Variants in EDA observed in about 807,000 individuals in gnomAD.
EDA encodes ectodysplasin A, also known as ectodysplasin-A.
Under a neutral mutation model 23.6 loss-of-function variants are expected in EDA, and 2 were observed. The ratio of observed to expected loss-of-function variants is 0.08; its 90% CI spans 0.03 to 0.27. The LOEUF (loss-of-function observed/expected upper bound fraction) is 0.27. Ranked by LOEUF, EDA falls within the 10% of genes least tolerant of loss-of-function variation. The pLI is 1.00. For synonymous variants in EDA, 131 were observed against 132.0 expected (o/e 0.99, Z 0.05); for missense variants, 229 against 324.2 (o/e 0.71, Z 2.26).
chrX:69,744,898 C>T (rs1252067339), intron 1 of EDA, among the ~76,000 whole-genome samples: 2 of 111,757 alleles, frequency 1.8e-5, no homozygotes, highest in African/African-American at 6.5e-5. Context: ...CAGTCGCTCC[C>T]CAGGTCTGCC....
At chrX:69,941,636 C>T (rs2018758991) in intron 1 of EDA, among the ~76,000 whole-genome samples, 1 of 110,847 alleles carries the variant, frequency 9.0e-6, no homozygotes, top group Non-Finnish European at 1.9e-5. Flanking sequence ...AATATCTTTT[C>T]CCATCCCTTT....
chrX:69,869,847 G>A (rs1321580680), intron 1 of EDA, among the ~76,000 whole-genome samples: 1 of 112,059 alleles, frequency 8.9e-6, no homozygotes, highest in Non-Finnish European at 1.9e-5. Context: ...CATTGTATTT[G>A]AATTTTGTAG....
intron 1 of EDA, among the ~76,000 whole-genome samples, chrX:69,816,426 A>G (rs904346464): frequency 9.0e-6 from 1 of 111,454 alleles, no homozygotes; most frequent in East Asian, 2.8e-4. Flanking sequence ...CTATAACCCA[A>G]TGCAAAGAAG....
intron 2 of EDA, among the ~76,000 whole-genome samples, chrX:70,009,610 G>A (rs1012445155): frequency 1.4e-4 from 15 of 111,052 alleles, no homozygotes; most frequent in South Asian, 7.5e-4. Flanking sequence ...GTTTTGATGC[G>A]GAGTCTCGCT....
At chrX:69,756,994 G>A (rs1373539309) in intron 1 of EDA, 3 of 111,488 alleles carry the variant, frequency 2.7e-5, no homozygotes, top group South Asian at 3.8e-4. Flanking sequence ...AGGTGAGCTC[G>A]CTTGTTTTCT....
At chrX:69,626,464 A>G (rs1453616259) in intron 1 of EDA, among the ~76,000 whole-genome samples, 1 of 112,297 alleles carries the variant, frequency 8.9e-6, no homozygotes, top group Non-Finnish European at 1.9e-5. Context: ...TTTTTCAGCC[A>G]TTAAAAGGAA....
At chrX:69,708,319 T>G (rs1250287554) in intron 1 of EDA, among the ~76,000 whole-genome samples, 3 of 111,805 alleles carry the variant, frequency 2.7e-5, no homozygotes, top group Admixed American at 9.5e-5. Flanking sequence ...TGTAATCAGT[T>G]AGCTACCTGC....
intron 1 of EDA, among the ~76,000 whole-genome samples, chrX:69,862,236 G>A (rs1366503534): frequency 9.0e-6 from 1 of 111,218 alleles, no homozygotes; most frequent in Non-Finnish European, 1.9e-5. Context: ...GTACCATTAT[G>A]ACATGTTACC....
chrX:69,690,117 CAG>C (rs1267484601), intron 1 of EDA, among the ~76,000 whole-genome samples: 3 of 109,434 alleles, frequency 2.7e-5, no homozygotes, highest in African/African-American at 1.0e-4. Flanking sequence ...TATCTGCAAA[CAG>C]AGAGAGTTTT....
chrX:69,751,073 G>C (rs2013830951), intron 1 of EDA, among the ~76,000 whole-genome samples: 1 of 109,204 alleles, frequency 9.2e-6, no homozygotes, highest in African/African-American at 3.3e-5. Context: ...CATTGCTTTT[G>C]GTGTTTTAGA....
chrX:69,716,198 G>A (rs1655296744), intron 1 of EDA, among the ~76,000 whole-genome samples: 1 of 111,466 alleles, frequency 9.0e-6, no homozygotes, highest in Admixed American at 9.5e-5. Flanking sequence ...TTTATAGTTT[G>A]GGGTTTTACA....
intron 1 of EDA, among the ~76,000 whole-genome samples, chrX:69,775,636 G>A (rs1279312384): frequency 9.0e-6 from 1 of 111,502 alleles, no homozygotes; most frequent in Non-Finnish European, 1.9e-5. Flanking sequence ...TATAATCTCT[G>A]TAAATACTCA....
chrX:69,845,314 A>G (rs12854119), intron 1 of EDA, among the ~76,000 whole-genome samples: 33,520 of 111,137 alleles, frequency 0.3, 4,743 homozygotes, highest in Middle Eastern at 0.55. Context: ...CATTTTTCAT[A>G]TATTTGGCTA....
chrX:69,835,928 C>G (rs2016760993), intron 1 of EDA, among the ~76,000 whole-genome samples: 1 of 111,497 alleles, frequency 9.0e-6, no homozygotes, highest in Non-Finnish European at 1.9e-5. Flanking sequence ...GATGTTGATG[C>G]TATTCCTTTC....
intron 1 of EDA, among the ~76,000 whole-genome samples, chrX:69,694,556 T>C (rs1049022038): frequency 8.9e-5 from 10 of 112,139 alleles, no homozygotes; most frequent in Non-Finnish European, 1.3e-4. Flanking sequence ...CCAAACACTT[T>C]AGGCTTATAG....
At chrX:70,022,086 A>T (rs1053243263) in intron 2 of EDA, among the ~76,000 whole-genome samples, 1 of 110,995 alleles carries the variant, frequency 9.0e-6, no homozygotes, top group African/African-American at 3.3e-5. Context: ...TATTTAAAGA[A>T]AGTCAAATCC....
intron 1 of EDA, among the ~76,000 whole-genome samples, chrX:69,721,926 C>T (rs192548260): frequency 1.8e-5 from 2 of 111,474 alleles, no homozygotes; most frequent in African/African-American, 6.5e-5. Context: ...TAAAACCTAT[C>T]TAGAATTGAG....
intron 1 of EDA, among the ~76,000 whole-genome samples, chrX:69,669,884 G>T (rs1402047313): frequency 9.0e-6 from 1 of 111,210 alleles, no homozygotes; most frequent in Non-Finnish European, 1.9e-5. Context: ...TCTATGAGTT[G>T]TTCACTGTTT....
chrX:69,995,770 T>TTTG (rs1257443518), intron 2 of EDA, among the ~76,000 whole-genome samples: 2 of 112,539 alleles, frequency 1.8e-5, no homozygotes, highest in African/African-American at 6.5e-5. Flanking sequence ...GTTGCTGTTT[T>TTTG]TTGTTGTTGT....
Sources: allele counts gnomAD v4.1 joint callset (sites outside exome capture counted in the v4.1 genomes callset), GRCh38; gene constraint gnomAD v4.1.1; transcripts MANE v1.5; gene names NCBI Gene and HGNC (gene_info 2026-07-23, HGNC 2026-07-21).